The following BBS9 variants were observed in gnomAD, a reference collection of about 807,000 sequenced individuals.
The protein encoded by BBS9 is protein PTHB1.
In BBS9, 89 loss-of-function variants were observed where a neutral mutation model predicts 117.7. That is an observed-to-expected ratio of 0.76 (90% CI 0.64 to 0.90). BBS9 has a LOEUF of 0.90. BBS9 is among the 40% of genes least tolerant of loss of function. BBS9 has a pLI of 0.00. For synonymous variants in BBS9, 379 were observed against 370.9 expected (o/e 1.02, Z -0.25); for missense variants, 982 against 1,042.2 (o/e 0.94, Z 0.80).
chr7:33,336,604 G>C lies in BBS9; in HGVS notation c.1180G>C (p.Asp394His). ...GAAAGAACTTCAGAAAATCATCAAAGATGTTAACAAATCACAAGGTATCTC... is the reference window on the plus strand; with the variant it reads ...GAAAGAACTTCAGAAAATCATCAAACATGTTAACAAATCACAAGGTATCTC... ...EMKELQKIIK[D>H]VNKSQGVWPM... The change falls in exon 10 of 23, where the codon GAT becomes CAT. Residue 394 changes from aspartate to histidine, a missense_variant. Transcript: ENST00000242067. 6.2e-7 allele frequency: 1 copy of C among 1,609,614 alleles called. No homozygotes were observed. The highest frequency in any genetic ancestry group is 8.5e-7 in the Non-Finnish European group (1 of 1,176,980).
At chr7:33,533,387 G>A (rs918817883) in intron 20 of BBS9, among the ~76,000 whole-genome samples, 20 of 152,206 alleles carry the variant, frequency 1.3e-4, no homozygotes, top group African/African-American at 4.3e-4. Flanking sequence ...GGCAGGCCCT[G>A]TGTCTCACAC....
chr7:33,593,983 ACCAGCAAT>A (rs1481620210), intron 21 of BBS9, among the ~76,000 whole-genome samples: 2 of 152,152 alleles, frequency 1.3e-5, no homozygotes, highest in Non-Finnish European at 2.9e-5. Context: ...CTAAATTCTA[ACCAGCAAT>A]CCAGCTAAAA....
At chr7:33,607,384 T>C (rs1230420659), downstream of BBS9, among the ~76,000 whole-genome samples, 6 of 152,226 alleles carry the variant, frequency 3.9e-5, no homozygotes, top group East Asian at 1.2e-3. Flanking sequence ...TACTTAATGA[T>C]TTTGTTCATG....
At chr7:33,503,120 A>G (rs183171484) in intron 19 of BBS9, among the ~76,000 whole-genome samples, 3 of 152,326 alleles carry the variant, frequency 2.0e-5, no homozygotes, top group South Asian at 4.1e-4. Context: ...ATGAGTGCAC[A>G]TGACTCCTCT....
intron 20 of BBS9, among the ~76,000 whole-genome samples, chr7:33,528,389 C>T (rs1208525060): frequency 6.6e-6 from 1 of 151,930 alleles, no homozygotes; most frequent in Non-Finnish European, 1.5e-5. Flanking sequence ...TAACTGTGTA[C>T]ACATTTGGTA....
intron 21 of BBS9, among the ~76,000 whole-genome samples, chr7:33,588,479 T>A (rs1340426413): frequency 6.6e-6 from 1 of 152,160 alleles, no homozygotes; most frequent in African/African-American, 2.4e-5. Context: ...GTGCCTGTTG[T>A]GTGCCAAGCG....
intron 21 of BBS9, among the ~76,000 whole-genome samples, chr7:33,576,606 C>T (rs934287784): frequency 2.5e-4 from 38 of 152,136 alleles, no homozygotes; most frequent in African/African-American, 8.7e-4. Flanking sequence ...CAAGACAATC[C>T]TAAGCAAAAA....
intron 19 of BBS9, among the ~76,000 whole-genome samples, chr7:33,415,129 G>A (rs1831774725): frequency 1.3e-5 from 2 of 152,070 alleles, no homozygotes; most frequent in Admixed American, 6.5e-5. Context: ...TGGGCTTCTT[G>A]GGGTAGGAGG....
At chr7:33,237,512 G>T (rs1562854921) in intron 5 of BBS9, among the ~76,000 whole-genome samples, 2 of 152,142 alleles carry the variant, frequency 1.3e-5, no homozygotes, top group African/African-American at 4.8e-5. Flanking sequence ...ATACATTTTA[G>T]CATTTACATT....
At chr7:33,591,592 A>G (rs1235181577) in intron 21 of BBS9, among the ~76,000 whole-genome samples, 1 of 152,068 alleles carries the variant, frequency 6.6e-6, no homozygotes, top group Non-Finnish European at 1.5e-5. Flanking sequence ...GCTTCCTTCA[A>G]GGCATACATT....
At position 33,413,160 on chromosome 7, in the gene BBS9, G is replaced by A. The variant is rs551102930; in HGVS notation, c.2115+25016G>A. Among the ~76,000 whole-genome samples, 3 of 152,288 alleles carry A rather than the reference G, an allele frequency of 2.0e-5. No homozygotes were observed. In the East Asian group the frequency reaches 5.8e-4, roughly 29 times the overall value. Reference sequence around the variant, plus strand: ...ACTCAGAGAAAATACAGTTTCAATAGTAAAGGTGGAGAAGCAGGCATTCCT... The same window carrying A: ...ACTCAGAGAAAATACAGTTTCAATAATAAAGGTGGAGAAGCAGGCATTCCT... On this transcript the variant is annotated intron_variant, in intron 19 of 22. Transcript: ENST00000242067.
chr7:33,309,223 G>A (rs901135290), intron 9 of BBS9, among the ~76,000 whole-genome samples: 30 of 152,170 alleles, frequency 2.0e-4, no homozygotes, highest in African/African-American at 7.0e-4. Context: ...ATTCTTAGGT[G>A]ATTCTAATAT....
intron 4 of BBS9, among the ~76,000 whole-genome samples, chr7:33,168,432 T>G (rs1282202132): frequency 6.6e-6 from 1 of 152,204 alleles, no homozygotes; most frequent in Non-Finnish European, 1.5e-5. Flanking sequence ...CTCTTTTTCC[T>G]CCTCCTTTTT....
chr7:33,301,691 G>A (rs1271346343), intron 9 of BBS9, among the ~76,000 whole-genome samples: 3 of 152,056 alleles, frequency 2.0e-5, no homozygotes, highest in Non-Finnish European at 4.4e-5. Flanking sequence ...TGGACACTTA[G>A]TTTGCTTCCA....
chr7:33,177,025 G>C (rs531533774), intron 4 of BBS9, among the ~76,000 whole-genome samples: 5 of 152,114 alleles, frequency 3.3e-5, no homozygotes, highest in Non-Finnish European at 7.4e-5. Context: ...AATATAATTA[G>C]GGGCTTGAAT....
At chr7:33,621,447 A>G (rs1362889623) in intron 21 of BBS9, among the ~76,000 whole-genome samples, 1 of 152,208 alleles carries the variant, frequency 6.6e-6, no homozygotes, top group Non-Finnish European at 1.5e-5. Flanking sequence ...TAAATGCTCA[A>G]CATCATTCAT....
At chr7:33,505,844 G>A (rs1221682676) in intron 20 of BBS9, 199 bp downstream of exon 20, 3 of 600,996 alleles carry the variant, frequency 5.0e-6, no homozygotes, top group African/African-American at 3.7e-5. Flanking sequence ...TTTAAGAATA[G>A]GTATATAGTC....
At chr7:33,551,289 G>A (rs189211468) in intron 21 of BBS9, among the ~76,000 whole-genome samples, 8 of 152,310 alleles carry the variant, frequency 5.3e-5, no homozygotes, top group Admixed American at 4.6e-4. Context: ...GGGCTGAGGT[G>A]TAGGAGTCTG....
intron 21 of BBS9, among the ~76,000 whole-genome samples, chr7:33,593,402 T>C (rs1862246875): frequency 6.6e-6 from 1 of 152,126 alleles, no homozygotes; most frequent in Non-Finnish European, 1.5e-5. Flanking sequence ...AGTAGAGGTT[T>C]TTTTTGTTTT....
Sources: gnomAD v4.1 joint callset for allele counts (sites outside exome capture counted in the v4.1 genomes callset) on GRCh38, gnomAD v4.1.1 for gene constraint, MANE v1.5 for transcripts, NCBI Gene and HGNC (gene_info 2026-07-23, HGNC 2026-07-21) for gene names.